ZNF385D: variants seen among roughly 807,000 people sequenced by gnomAD.
The protein encoded by ZNF385D is zinc finger protein 659.
In ZNF385D, 15 loss-of-function variants were observed where a neutral mutation model predicts 35.8. The observed-to-expected ratio is 0.42, with a 90% CI of 0.28 to 0.64. ZNF385D has a LOEUF of 0.64. Ranked by LOEUF, ZNF385D falls within the 30% of genes least tolerant of loss-of-function variation. ZNF385D has a pLI of 0.23. For synonymous variants in ZNF385D, 212 were observed against 186.8 expected (o/e 1.13, Z -1.10); for missense variants, 474 against 494.6 (o/e 0.96, Z 0.39).
intron 2 of ZNF385D, among the ~76,000 whole-genome samples, chr3:22,332,112 A>G (rs543478203): frequency 6.6e-6 from 1 of 152,194 alleles, no homozygotes; most frequent in Admixed American, 6.5e-5. Flanking sequence ...TAATATTCCT[A>G]TTCACTACTT....
intron 1 of ZNF385D, among the ~76,000 whole-genome samples, chr3:21,715,201 A>G (rs1411536122): frequency 6.6e-6 from 1 of 152,136 alleles, no homozygotes; most frequent in Non-Finnish European, 1.5e-5. Context: ...TGAATAATGT[A>G]CAGTGTACTC....
intron 3 of ZNF385D, among the ~76,000 whole-genome samples, chr3:22,056,360 A>T (rs1699400591): frequency 6.6e-6 from 1 of 151,908 alleles, no homozygotes. Flanking sequence ...GATAAAATAT[A>T]AACCGTGTGT....
intron 2 of ZNF385D, among the ~76,000 whole-genome samples, chr3:21,583,382 CA>C (rs1413229227): frequency 2.0e-5 from 3 of 152,156 alleles, no homozygotes; most frequent in Admixed American, 2.0e-4. Context: ...AATATACTAT[CA>C]TCTTAAAATA....
At chr3:21,726,179 A>T (rs1407790458) in intron 1 of ZNF385D, among the ~76,000 whole-genome samples, 1 of 152,210 alleles carries the variant, frequency 6.6e-6, no homozygotes, top group African/African-American at 2.4e-5. Flanking sequence ...AACATATTTC[A>T]AAATAATAAG....
chr3:22,034,477 T>C (rs962656343), intron 3 of ZNF385D, among the ~76,000 whole-genome samples: 4 of 152,264 alleles, frequency 2.6e-5, no homozygotes, highest in South Asian at 2.1e-4. Context: ...CCATAATTAT[T>C]GTAAATTTGA....
At chr3:22,011,400 T>A (rs1212112686) in intron 3 of ZNF385D, among the ~76,000 whole-genome samples, 1 of 152,062 alleles carries the variant, frequency 6.6e-6, no homozygotes, top group Non-Finnish European at 1.5e-5. Context: ...GTCCCAAGAG[T>A]GAACCCAATA....
At chr3:21,426,929 C>T (rs1701051264) in intron 5 of ZNF385D, among the ~76,000 whole-genome samples, 1 of 152,104 alleles carries the variant, frequency 6.6e-6, no homozygotes, top group South Asian at 2.1e-4. Context: ...ACCTAGATGG[C>T]CTATTTTAAA....
chr3:22,115,876 T>C (rs7633724), intron 3 of ZNF385D, among the ~76,000 whole-genome samples: 3,594 of 152,176 alleles, frequency 0.024, 147 homozygotes, highest in African/African-American at 0.083. Context: ...AAAACTATCT[T>C]TGCAATTTTT....
chr3:21,626,311 C>T (rs2065132552), intron 2 of ZNF385D, among the ~76,000 whole-genome samples: 1 of 152,066 alleles, frequency 6.6e-6, no homozygotes, highest in African/African-American at 2.4e-5. Flanking sequence ...AGAGCTGCTA[C>T]TGTGCCAGAA....
At chr3:21,451,225 ACT>A (rs1283895547) in intron 4 of ZNF385D, among the ~76,000 whole-genome samples, 4 of 152,018 alleles carry the variant, frequency 2.6e-5, no homozygotes, top group East Asian at 1.9e-4. Flanking sequence ...CATCACAGAT[ACT>A]CTGTTTCTAT....
intron 3 of ZNF385D, among the ~76,000 whole-genome samples, chr3:21,812,895 C>T (rs2072991515): frequency 6.6e-6 from 1 of 152,216 alleles, no homozygotes; most frequent in Admixed American, 6.5e-5. Flanking sequence ...AGAGTGCCTC[C>T]TCAAGTGGGT....
intron 3 of ZNF385D, among the ~76,000 whole-genome samples, chr3:21,561,711 G>C (rs1175442367): frequency 1.3e-5 from 2 of 152,136 alleles, no homozygotes; most frequent in Non-Finnish European, 2.9e-5. Context: ...CCAGATGGTG[G>C]AACAATCAGA....
intron 2 of ZNF385D, among the ~76,000 whole-genome samples, chr3:22,200,288 T>A (rs556359277): frequency 7.2e-5 from 11 of 152,100 alleles, no homozygotes; most frequent in Admixed American, 5.3e-4. Flanking sequence ...ATTGGCCGGT[T>A]TGAGAAGTAA....
intron 2 of ZNF385D, among the ~76,000 whole-genome samples, chr3:22,203,217 G>C (rs1315650315): frequency 6.6e-6 from 1 of 152,046 alleles, no homozygotes; most frequent in Non-Finnish European, 1.5e-5. Context: ...ACAGGATAGG[G>C]CAATGGGCAG....
intron 2 of ZNF385D, among the ~76,000 whole-genome samples, chr3:22,352,562 C>G (rs188406117): frequency 6.6e-6 from 1 of 152,274 alleles, no homozygotes; most frequent in Admixed American, 6.5e-5. Flanking sequence ...TAATCATACC[C>G]TAACACATTT....
At chr3:21,572,548 C>T (rs972231301) in intron 2 of ZNF385D, among the ~76,000 whole-genome samples, 2 of 152,154 alleles carry the variant, frequency 1.3e-5, no homozygotes, top group African/African-American at 4.8e-5. Flanking sequence ...CACATTTCTA[C>T]ACAGTGGTCT....
At chr3:21,504,575 C>G (rs1706631715) in intron 4 of ZNF385D, among the ~76,000 whole-genome samples, 1 of 151,990 alleles carries the variant, frequency 6.6e-6, no homozygotes, top group Admixed American at 6.6e-5. Flanking sequence ...AGAGGCATGC[C>G]CTCTAGCAAT....
chr3:21,438,748 G>A (rs4501133), intron 4 of ZNF385D, among the ~76,000 whole-genome samples: 50,522 of 151,878 alleles, frequency 0.33, 10,319 homozygotes, highest in African/African-American at 0.57. Context: ...ACATTCACCT[G>A]CCAAGTTTTC....
intron 2 of ZNF385D, among the ~76,000 whole-genome samples, chr3:22,191,316 C>A (rs1003886904): frequency 1.3e-5 from 2 of 151,884 alleles, no homozygotes; most frequent in African/African-American, 2.4e-5. Flanking sequence ...GGAGAAACCC[C>A]GTCTCTACTG....
Sources: allele counts gnomAD v4.1 joint callset (sites outside exome capture counted in the v4.1 genomes callset), GRCh38; gene constraint gnomAD v4.1.1; transcripts MANE v1.5; gene names NCBI Gene and HGNC (gene_info 2026-07-23, HGNC 2026-07-21).